Variants in FOXO1 observed in about 807,000 individuals in gnomAD.
The protein encoded by FOXO1 is forkhead box O1.
A neutral mutation model predicts 44.1 loss-of-function variants in FOXO1; 6 were observed. The observed-to-expected ratio is 0.14, with a 90% confidence interval of 0.07 to 0.27. The LOEUF (loss-of-function observed/expected upper bound fraction) is 0.27, where lower values mean the gene tolerates loss of function less well. Among genes scored for constraint, FOXO1 ranks in the 10% least tolerant of loss-of-function variants. The pLI, the probability that FOXO1 is intolerant of heterozygous loss-of-function variation, is 1.00. For synonymous variants in FOXO1, 380 were observed against 362.7 expected (o/e 1.05, Z -0.54); for missense variants, 737 against 888.8 (o/e 0.83, Z 2.17).
At chr13:40,647,239 C>T (rs1338840498) in intron 1 of FOXO1, among the ~76,000 whole-genome samples, 1 of 152,160 alleles carries the variant, frequency 6.6e-6, no homozygotes, top group African/African-American at 2.4e-5. Context: ...GTGGCCACCA[C>T]CCCACCAAAA....
Position 40,559,715 on chromosome 13 carries a change from A to G in FOXO1, c.1776T>C (p.Leu592=). The G allele has an allele frequency of 6.2e-7, 1 of 1,614,056 alleles. No individual in the cohort carries two copies. The highest frequency in any genetic ancestry group is 1.1e-5 in the South Asian group (1 of 91,074). The change falls in exon 2 of 3, where the codon CTT becomes CTC. Residue 592 remains leucine (L), a synonymous_variant. Transcript: ENST00000379561. Reference sequence around the variant, plus strand: ...CACTTGGGAGCTTCTCCTGGTGGAGAAGGCCCATTCTGCCATAGCCATTGC... The same window carrying G: ...CACTTGGGAGCTTCTCCTGGTGGAGGAGGCCCATTCTGCCATAGCCATTGC... ...SSCNGYGRMG[L]LHQEKLPSDL...
At chr13:40,564,926 A>G (rs925061683) in intron 1 of FOXO1, among the ~76,000 whole-genome samples, 2 of 125,636 alleles carry the variant, frequency 1.6e-5, no homozygotes, top group African/African-American at 3.5e-5. Flanking sequence ...GCCTGACCCA[A>G]TGAGCTCCAC....
intron 1 of FOXO1, among the ~76,000 whole-genome samples, chr13:40,638,990 T>C (rs1358213957): frequency 6.6e-6 from 1 of 152,132 alleles, no homozygotes; most frequent in Non-Finnish European, 1.5e-5. Flanking sequence ...CGTCAGGAGT[T>C]CGAGACCAGC....
At chr13:40,629,393 C>T (rs575742853) in intron 1 of FOXO1, among the ~76,000 whole-genome samples, 10 of 152,310 alleles carry the variant, frequency 6.6e-5, no homozygotes, top group Non-Finnish European at 2.9e-5. Flanking sequence ...CTGCCCGCCT[C>T]GGCCTCCCAA....
intron 1 of FOXO1, among the ~76,000 whole-genome samples, chr13:40,653,765 CCCTCACCAGTAAGTACTTTGTAAGT>C (rs1877761782): frequency 6.6e-6 from 1 of 152,132 alleles, no homozygotes; most frequent in Non-Finnish European, 1.5e-5. Flanking sequence ...AAAACCCAGC[CCCTCACCAGTAAGTACTTTGTAAGT>C]ACTCACCAGT....
chr13:40,663,264 T>C (rs541673572), intron 1 of FOXO1, among the ~76,000 whole-genome samples: 1 of 152,362 alleles, frequency 6.6e-6, no homozygotes, highest in Admixed American at 6.5e-5. Context: ...AACAAGAACC[T>C]GATAAAAATG....
At chr13:40,574,970 A>G (rs1364081674) in intron 1 of FOXO1, among the ~76,000 whole-genome samples, 1 of 152,214 alleles carries the variant, frequency 6.6e-6, no homozygotes, top group Non-Finnish European at 1.5e-5. Context: ...TGAAGACTAA[A>G]ATGGTTATCC....
intron 1 of FOXO1, among the ~76,000 whole-genome samples, chr13:40,563,671 A>G (rs1874140998): frequency 6.6e-6 from 1 of 152,106 alleles, no homozygotes; most frequent in African/African-American, 2.4e-5. Context: ...TAGAGTAGGT[A>G]CAAGAATCCC....
intron 1 of FOXO1, among the ~76,000 whole-genome samples, chr13:40,565,454 T>C (rs748502997): frequency 5.7e-4 from 87 of 152,294 alleles, no homozygotes; most frequent in African/African-American, 1.9e-3. Context: ...GAAGCATTTC[T>C]TGATGACCTC....
intron 1 of FOXO1, among the ~76,000 whole-genome samples, chr13:40,663,495 A>G (rs1464078800): frequency 2.6e-5 from 4 of 152,326 alleles, no homozygotes; most frequent in African/African-American, 9.6e-5. Flanking sequence ...GTAAGTACAC[A>G]CTGTACTTTG....
chr13:40,665,514 C>T (rs570024014), intron 1 of FOXO1, 69 bp downstream of exon 1: 1 of 1,266,144 alleles, frequency 7.9e-7, no homozygotes, highest in Non-Finnish European at 1.0e-6. Flanking sequence ...GCCGAGCAAA[C>T]CTGCACAGCT....
At chr13:40,595,341 C>T (rs1307843237) in intron 1 of FOXO1, among the ~76,000 whole-genome samples, 1 of 152,178 alleles carries the variant, frequency 6.6e-6, no homozygotes, top group African/African-American at 2.4e-5. Context: ...CAGTGCTTCT[C>T]ATACTTGAAC....
At chr13:40,641,414 T>C (rs1215560902) in intron 1 of FOXO1, among the ~76,000 whole-genome samples, 2 of 151,032 alleles carry the variant, frequency 1.3e-5, no homozygotes, top group Non-Finnish European at 2.9e-5. Flanking sequence ...TCTCATTATA[T>C]ATATCATATA....
chr13:40,625,968 T>G (rs1316100790), intron 1 of FOXO1, among the ~76,000 whole-genome samples: 1 of 152,174 alleles, frequency 6.6e-6, no homozygotes, highest in Admixed American at 6.5e-5. Context: ...TTGTCTTCAC[T>G]ACATTTTATT....
At chr13:40,585,284 C>T (rs1357675595) in intron 1 of FOXO1, among the ~76,000 whole-genome samples, 1 of 151,924 alleles carries the variant, frequency 6.6e-6, no homozygotes, top group African/African-American at 2.4e-5. Context: ...CTTGCAATTT[C>T]CTGGAATTTT....
chr13:40,618,823 T>C (rs73467020), intron 1 of FOXO1: 159 of 526,480 alleles, frequency 3.0e-4, no homozygotes, highest in African/African-American at 2.5e-3. Context: ...TGGGAGAAGA[T>C]GGCAGCAAGA....
At chr13:40,616,117 C>A (rs1876414312) in intron 1 of FOXO1, among the ~76,000 whole-genome samples, 1 of 152,158 alleles carries the variant, frequency 6.6e-6, no homozygotes, top group Non-Finnish European at 1.5e-5. Context: ...GACAGCACTG[C>A]TGATAAACCG....
chr13:40,656,673 T>C (rs1423382510), intron 1 of FOXO1, among the ~76,000 whole-genome samples: 1 of 152,242 alleles, frequency 6.6e-6, no homozygotes, highest in East Asian at 1.9e-4. Context: ...CATTTTAAAA[T>C]TGTTTAATGT....
In FOXO1 at chr13:40,558,452, T is replaced by C. The variant is rs1873844167; in HGVS notation, c.*597A>G. 1.2e-5 allele frequency: 2 copies of C among 168,178 alleles called. No individual in the cohort carries two copies. The highest frequency in any genetic ancestry group is 4.7e-5 in the African/African-American group (2 of 42,250). 10.4% of individuals were successfully genotyped at this position (168,178 alleles called of 1,614,324 possible). On this transcript the variant is annotated 3_prime_UTR_variant, in exon 3 of 3. Transcript: ENST00000379561. ...TAACAAGTCCATTAATTTAGCAGAT[T>C]GATAACAGGCTACTTGGTTCTCATG...
Sources: allele counts gnomAD v4.1 joint callset (sites outside exome capture counted in the v4.1 genomes callset), GRCh38; gene constraint gnomAD v4.1.1; transcripts MANE v1.5; gene names NCBI Gene and HGNC (gene_info 2026-07-23, HGNC 2026-07-21).